The following ATP2B2 variants were observed in gnomAD, a reference collection of about 807,000 sequenced individuals.
ATP2B2 encodes ATPase plasma membrane Ca2+ transporting 2, also known as plasma membrane calcium-transporting ATPase 2.
In ATP2B2, 15 loss-of-function variants were observed where a neutral mutation model predicts 120.0. That is an observed-to-expected ratio of 0.12 (90% CI 0.08 to 0.19). The LOEUF (loss-of-function observed/expected upper bound fraction) is 0.19. Ranked by LOEUF, ATP2B2 falls within the 10% of genes least tolerant of loss-of-function variation. The pLI is 1.00. For missense variants in ATP2B2, 1,045 were observed against 1,719.8 expected, an observed-to-expected ratio of 0.61 and a Z score of 6.94; for synonymous variants, 694 against 700.3, an observed-to-expected ratio of 0.99 and a Z score of 0.14.
chr3:10,386,375 G>A (rs1414502668), intron 7 of ATP2B2, 105 bp downstream of exon 7: 17 of 1,319,730 alleles, frequency 1.3e-5, no homozygotes, highest in Non-Finnish European at 1.9e-5. Flanking sequence ...CCACAGGCAT[G>A]TGGCCTCCTC....
At chr3:10,444,361 C>T (rs1011784896) in intron 2 of ATP2B2, among the ~76,000 whole-genome samples, 3 of 152,194 alleles carry the variant, frequency 2.0e-5, no homozygotes, top group African/African-American at 7.2e-5. Flanking sequence ...AGACCCCTGC[C>T]CCTGCCTCCA....
At chr3:10,661,245 G>C (rs6442194) in intron 1 of ATP2B2, among the ~76,000 whole-genome samples, 33,045 of 151,396 alleles carry the variant, frequency 0.22, 6,059 homozygotes, top group African/African-American at 0.5. Flanking sequence ...AAGTTCTGGC[G>C]AGGGCAATCA....
intron 1 of ATP2B2, among the ~76,000 whole-genome samples, chr3:10,501,813 G>A (rs2066406079): frequency 6.6e-6 from 1 of 152,074 alleles, no homozygotes; most frequent in South Asian, 2.1e-4. Context: ...TGGTGTCTAG[G>A]CCACCCCCAG....
intron 2 of ATP2B2, among the ~76,000 whole-genome samples, chr3:10,544,253 C>T (rs955830063): frequency 2.0e-5 from 3 of 152,106 alleles, no homozygotes; most frequent in Admixed American, 2.0e-4. Flanking sequence ...TCATTACCAT[C>T]GGTGCAAAAC....
chr3:10,678,151 G>A (rs1014515733), intron 1 of ATP2B2, among the ~76,000 whole-genome samples: 10 of 152,142 alleles, frequency 6.6e-5, no homozygotes, highest in African/African-American at 1.4e-4. Context: ...TACTGGGATC[G>A]TAAAAAATGT....
At chr3:10,389,853 A>G (rs1373230382) in intron 5 of ATP2B2, among the ~76,000 whole-genome samples, 1 of 152,220 alleles carries the variant, frequency 6.6e-6, no homozygotes, top group Non-Finnish European at 1.5e-5. Context: ...AGGTGACCCC[A>G]GGAGGACAGC....
At chr3:10,444,624 C>T (rs2063777162) in intron 2 of ATP2B2, among the ~76,000 whole-genome samples, 1 of 152,216 alleles carries the variant, frequency 6.6e-6, no homozygotes. Context: ...CTTATCAACC[C>T]CGCCAGGAAA....
At chr3:10,469,361 C>T (rs929290377) in intron 1 of ATP2B2, among the ~76,000 whole-genome samples, 3 of 152,236 alleles carry the variant, frequency 2.0e-5, no homozygotes, top group Non-Finnish European at 4.4e-5. Context: ...AAGTAACTTG[C>T]CCAAGGTCAC....
chr3:10,680,743 T>C (rs780027253), intron 1 of ATP2B2, among the ~76,000 whole-genome samples: 2 of 152,152 alleles, frequency 1.3e-5, no homozygotes, highest in African/African-American at 2.4e-5. Context: ...ATGGCTTTCC[T>C]GGGAAAACAG....
Position 10,449,709 on chromosome 3 carries a change from G to T in ATP2B2, c.-166C>A. 1.3e-6 allele frequency: 1 copy of T among 770,580 alleles called. No homozygotes were observed. The highest frequency in any genetic ancestry group is 2.2e-6 in the Non-Finnish European group (1 of 450,330). 47.7% of individuals were successfully genotyped at this position (770,580 alleles called of 1,614,324 possible). ...GGGTGGGGGTGGCCGAGGCGGGCTGGTGACAGTGGTGGTGAGCTCCAAGAG... is the reference window on the plus strand; with the variant it reads ...GGGTGGGGGTGGCCGAGGCGGGCTGTTGACAGTGGTGGTGAGCTCCAAGAG... On this transcript the variant is annotated 5_prime_UTR_variant, in exon 2 of 23. Coordinates refer to ENST00000360273, the MANE Select transcript of ATP2B2 (RefSeq NM_001001331.4).
intron 1 of ATP2B2, among the ~76,000 whole-genome samples, chr3:10,459,117 G>C (rs1463090929): frequency 6.6e-6 from 1 of 152,242 alleles, no homozygotes; most frequent in African/African-American, 2.4e-5. Flanking sequence ...GAAGGAAGGA[G>C]AAATGCCCTA....
At chr3:10,683,748 ATGTG>A (rs372159079) in intron 1 of ATP2B2, among the ~76,000 whole-genome samples, 2 of 57,330 alleles carry the variant, frequency 3.5e-5, no homozygotes, top group African/African-American at 1.4e-4. Context: ...GTGTATATAT[ATGTG>A]TGTGTGTGTA....
Position 10,691,579 on chromosome 3 carries a change from G to A in ATP2B2, c.-460+16336C>T, listed in dbSNP as rs572257555. On this transcript the variant is annotated intron_variant, in intron 1 of 21. Coordinates refer to the ATP2B2 transcript ENST00000646379. Reference sequence around the variant, plus strand: ...ACGTTCACCTCTTCTGTTTCTCCACGTCAGCTCCCCGACTCTGGGCCTGAC... The same window carrying A: ...ACGTTCACCTCTTCTGTTTCTCCACATCAGCTCCCCGACTCTGGGCCTGAC... Among the ~76,000 whole-genome samples the A allele has an allele frequency of 1.9e-4, 29 of 152,252 alleles. No individual in the cohort carries two copies. In the South Asian group the frequency reaches 4.6e-3, roughly 24 times the overall value.
At chr3:10,362,882 C>G (rs537399090) in intron 12 of ATP2B2, among the ~76,000 whole-genome samples, 3 of 152,152 alleles carry the variant, frequency 2.0e-5, no homozygotes, top group African/African-American at 7.2e-5. Context: ...ATATATATAT[C>G]TCACACACAC....
chr3:10,333,298 C>T (rs2060029785), intron 22 of ATP2B2, among the ~76,000 whole-genome samples: 1 of 152,128 alleles, frequency 6.6e-6, no homozygotes, highest in Non-Finnish European at 1.5e-5. Flanking sequence ...AAGCAGATCC[C>T]CCTCAGAAGG....
At chr3:10,361,605 T>C (rs920708251) in intron 12 of ATP2B2, among the ~76,000 whole-genome samples, 1 of 152,230 alleles carries the variant, frequency 6.6e-6, no homozygotes, top group South Asian at 2.1e-4. Context: ...CACCTGTCAC[T>C]TCCTCACATG....
At chr3:10,571,469 A>C (rs1449057973) in intron 2 of ATP2B2, among the ~76,000 whole-genome samples, 1 of 152,222 alleles carries the variant, frequency 6.6e-6, no homozygotes, top group Non-Finnish European at 1.5e-5. Flanking sequence ...GGGCCGCTGA[A>C]CTGGCTGCAG....
At chr3:10,591,724 G>T (rs1191130177) in intron 2 of ATP2B2, among the ~76,000 whole-genome samples, 1 of 152,198 alleles carries the variant, frequency 6.6e-6, no homozygotes, top group African/African-American at 2.4e-5. Context: ...AGCCTCGATG[G>T]TTCAAGTTTG....
At chr3:10,500,090 AGGCCC>A (rs2066321689) in intron 1 of ATP2B2, among the ~76,000 whole-genome samples, 1 of 151,934 alleles carries the variant, frequency 6.6e-6, no homozygotes, top group South Asian at 2.1e-4. Context: ...ATGCACCACC[AGGCCC>A]GGCTAACTTT....
Sources: allele counts gnomAD v4.1 joint callset (sites outside exome capture counted in the v4.1 genomes callset), GRCh38; gene constraint gnomAD v4.1.1; transcripts MANE v1.5; gene names NCBI Gene and HGNC (gene_info 2026-07-23, HGNC 2026-07-21).